SPTBN1: variants seen among roughly 807,000 people sequenced by gnomAD.
The protein encoded by SPTBN1 is spectrin beta, non-erythrocytic 1.
SPTBN1 carries 32 observed loss-of-function variants against 266.4 expected under a neutral mutation model. The observed-to-expected ratio is 0.12, with a 90% CI of 0.09 to 0.16. The LOEUF (loss-of-function observed/expected upper bound fraction) is 0.16. SPTBN1 is among the 10% of genes least tolerant of loss of function. SPTBN1 has a pLI of 1.00. For synonymous variants in SPTBN1, 1,336 were observed against 1,162.2 expected, an observed-to-expected ratio of 1.15 and a Z score of -3.04; for missense variants, 2,296 against 3,067.1, an observed-to-expected ratio of 0.75 and a Z score of 5.94.
intron 32 of SPTBN1, 191 bp downstream of exon 32, chr2:54,660,190 G>A (rs1389339315): frequency 4.8e-6 from 7 of 1,470,558 alleles, no homozygotes; most frequent in African/African-American, 1.4e-5. Flanking sequence ...TTAATTCATA[G>A]CCTTCCTTGG....
At chr2:54,473,605 T>C (rs1362249402) in intron 1 of SPTBN1, among the ~76,000 whole-genome samples, 2 of 152,170 alleles carry the variant, frequency 1.3e-5, no homozygotes, top group Non-Finnish European at 2.9e-5. Context: ...CACCATTTCC[T>C]TTTTACTTAG....
chr2:54,502,508 T>C lies in SPTBN1; in HGVS notation c.-47-23864T>C, dbSNP rs571988646. 7.2e-5 allele frequency among the ~76,000 whole-genome samples: 11 copies of C among 152,262 alleles called. No homozygotes were observed. The East Asian group carries it at 1.5e-3, about 21-fold the overall frequency. On this transcript the variant is annotated intron_variant, in intron 1 of 35. Coordinates refer to ENST00000356805, the MANE Select transcript of SPTBN1 (RefSeq NM_003128.3). Reference sequence around the variant, plus strand: ...GCCATTTAGAGAAGAGAAATAAATATTCACTTCAGAGAATACACTTTGAAG... The same window carrying C: ...GCCATTTAGAGAAGAGAAATAAATACTCACTTCAGAGAATACACTTTGAAG...
intron 2 of SPTBN1, among the ~76,000 whole-genome samples, chr2:54,530,442 T>C (rs1671159927): frequency 7.5e-6 from 1 of 133,622 alleles, no homozygotes; most frequent in Non-Finnish European, 1.5e-5. Context: ...CACTGCAAGC[T>C]CCACCTCCTG....
intron 2 of SPTBN1, among the ~76,000 whole-genome samples, chr2:54,565,550 A>G (rs1194160360): frequency 6.6e-6 from 1 of 152,234 alleles, no homozygotes; most frequent in Non-Finnish European, 1.5e-5. Context: ...GATAAACCTA[A>G]TAGTGTGTGT....
intron 2 of SPTBN1, among the ~76,000 whole-genome samples, chr2:54,544,202 A>AT (rs1184509774): frequency 2.0e-5 from 3 of 152,198 alleles, no homozygotes; most frequent in Admixed American, 6.5e-5. Flanking sequence ...TCTAGTGGTA[A>AT]TATAAATCAG....
chr2:54,481,362 A>G (rs1379063604), intron 1 of SPTBN1, among the ~76,000 whole-genome samples: 3 of 149,516 alleles, frequency 2.0e-5, no homozygotes, highest in African/African-American at 4.9e-5. Context: ...GGAAATGCTG[A>G]TTGGAAGATT....
chr2:54,607,447 A>G (rs1676920920), intron 3 of SPTBN1, among the ~76,000 whole-genome samples: 1 of 152,152 alleles, frequency 6.6e-6, no homozygotes. Flanking sequence ...ACATGGTGAA[A>G]CGCCATCTCT....
chr2:54,645,873 GT>G lies in SPTBN1; in HGVS notation c.4495-54del. On this transcript the variant is annotated intron_variant, in intron 21 of 35. Transcript: ENST00000356805. The surrounding 1 kb of genome is among the most constrained non-coding windows in gnomAD (Gnocchi z 4.3). ...TCACTGCCCCTCACTGCTCGTTTGTGTCGTATATTTGTTCCTCTGAGTGGAT... is the reference window on the plus strand; with the variant it reads ...TCACTGCCCCTCACTGCTCGTTTGTGCGTATATTTGTTCCTCTGAGTGGAT... The G allele has an allele frequency of 4.4e-6, 7 of 1,592,464 alleles. No individual in the cohort carries two copies. The highest frequency in any genetic ancestry group is 6.0e-6 in the Non-Finnish European group (7 of 1,161,224).
intron 16 of SPTBN1, among the ~76,000 whole-genome samples, 156 bp from the exon 17 acceptor site, chr2:54,632,410 G>A (rs1678812361): frequency 6.6e-6 from 1 of 152,132 alleles, no homozygotes; most frequent in African/African-American, 2.4e-5. Context: ...GTCCCACTGG[G>A]TTTTTTTCCT....
chr2:54,658,221 GTCAGGACTGTTACCTCC>G (rs1680809513), intron 30 of SPTBN1, among the ~76,000 whole-genome samples, 175 bp downstream of exon 30: 1 of 152,076 alleles, frequency 6.6e-6, no homozygotes, highest in African/African-American at 2.4e-5. Context: ...TAGGGAGAGG[GTCAGGACTGTTACCTCC>G]TCAGTCACAT....
At chr2:54,650,020 G>A in intron 26 of SPTBN1, 31 bp downstream of exon 26, 1 of 1,576,008 alleles carries the variant, frequency 6.3e-7, no homozygotes, top group South Asian at 1.1e-5. Flanking sequence ...GGGGTGCTGG[G>A]GAGGCTTTTT....
intron 1 of SPTBN1, among the ~76,000 whole-genome samples, chr2:54,473,310 T>C (rs28682325): frequency 0.035 from 5,351 of 152,332 alleles, 136 homozygotes; most frequent in South Asian, 0.11. Flanking sequence ...TTTTATAACA[T>C]AGAAAAATAT....
intron 1 of SPTBN1, among the ~76,000 whole-genome samples, chr2:54,500,343 C>A (rs1466387253): frequency 2.0e-5 from 3 of 152,098 alleles, no homozygotes; most frequent in African/African-American, 4.8e-5. Flanking sequence ...CTCAGGTGTT[C>A]CCAGGACCAG....
intron 2 of SPTBN1, among the ~76,000 whole-genome samples, chr2:54,582,587 T>C (rs1460691266): frequency 1.3e-5 from 2 of 149,874 alleles, no homozygotes; most frequent in Admixed American, 6.6e-5. Context: ...AAAAGAAATA[T>C]GGAGGATTCT....
intron 7 of SPTBN1, 57 bp downstream of exon 7, chr2:54,618,250 A>C (rs1677748544): frequency 1.4e-6 from 2 of 1,408,286 alleles, no homozygotes; most frequent in East Asian, 2.3e-5. Flanking sequence ...TCCAGGTGTT[A>C]ATGTAAAATC....
At position 54,631,139 on chromosome 2, in the gene SPTBN1, A is replaced by C. The variant is rs1234108702; in HGVS notation, c.3092A>C (p.Gln1031Pro). The C allele has an allele frequency of 3.1e-6, 5 of 1,614,188 alleles. No homozygotes were observed. Among genetic ancestry groups the C allele is most frequent in the African/African-American group, 1.3e-5 (1 of 75,070 alleles). Residue 1031 changes from glutamine (Q) to proline (P), a missense_variant, in exon 16 of 36, where the codon CAG becomes CCG. Gln to Pro is a moderately conservative substitution (Grantham distance 76). Transcript: ENST00000356805. The stretch of plus-strand genomic sequence containing the variant: ...GAGTCCGAGCACCCCGACCAGGCCC[A>C]GGCCATCCTGTCTCGGCTGGCCGAG... ...KLESEHPDQA[Q>P]AILSRLAEIS...
intron 34 of SPTBN1, among the ~76,000 whole-genome samples, chr2:54,667,224 G>A (rs1681426071): frequency 6.6e-6 from 1 of 152,226 alleles, no homozygotes; most frequent in Non-Finnish European, 1.5e-5. Context: ...TACAAGCTCA[G>A]TAGCAGAATT....
intron 4 of SPTBN1, among the ~76,000 whole-genome samples, chr2:54,613,316 A>G (rs1056682494): frequency 2.6e-5 from 4 of 151,328 alleles, no homozygotes; most frequent in East Asian, 1.9e-4. Context: ...ATCTGTTTTG[A>G]TTTTTCTGGG....
At chr2:54,534,810 C>T (rs2104371606) in intron 2 of SPTBN1, among the ~76,000 whole-genome samples, 1 of 152,296 alleles carries the variant, frequency 6.6e-6, no homozygotes, top group African/African-American at 2.4e-5. Flanking sequence ...ATGGAAGCCT[C>T]GTGCTCCCAG....
Sources: gnomAD v4.1 joint callset for allele counts (sites outside exome capture counted in the v4.1 genomes callset) on GRCh38, gnomAD v4.1.1 for gene constraint, Gnocchi (gnomAD v3.1) non-coding constraint, MANE v1.5 for transcripts, NCBI Gene and HGNC (gene_info 2026-07-23, HGNC 2026-07-21) for gene names.